DRC11: variants seen among roughly 807,000 people sequenced by gnomAD.
DRC11 encodes the protein IQ and AAA domain-containing protein 1.
At chr2:236,458,991 G>A in the DRC11 span, among the ~76,000 whole-genome samples, 1 of 152,126 alleles carries the variant, frequency 6.6e-6, no homozygotes, top group Non-Finnish European at 1.5e-5. Flanking sequence ...GTTGTAGTCA[G>A]CCGAGATCGC....
the DRC11 span, among the ~76,000 whole-genome samples, chr2:236,491,337 G>C: frequency 1.1e-4 from 16 of 146,846 alleles, no homozygotes; most frequent in Non-Finnish European, 2.2e-4. Context: ...TGGGGAAGTC[G>C]CAGCAGGGAA....
the DRC11 span, among the ~76,000 whole-genome samples, chr2:236,333,544 G>C: frequency 6.6e-5 from 10 of 152,304 alleles, no homozygotes; most frequent in South Asian, 1.9e-3. The surrounding 1 kb of genome is among the most constrained non-coding windows in gnomAD (Gnocchi z 6.0). Flanking sequence ...GAGAGTCACA[G>C]GTAAGGCCCC....
the DRC11 span, among the ~76,000 whole-genome samples, chr2:236,357,053 TC>T: frequency 1.6e-4 from 16 of 102,878 alleles, no homozygotes; most frequent in Admixed American, 8.9e-4. Context: ...ATATTATATA[TC>T]TATTTATATA....
chr2:236,454,922 T>C, the DRC11 span: 2 of 152,356 alleles, frequency 1.3e-5, no homozygotes, highest in South Asian at 4.1e-4. The surrounding 1 kb of genome is among the most constrained non-coding windows in gnomAD (Gnocchi z 5.3). Flanking sequence ...ATCCGTAAAA[T>C]AATTGGGGCA....
At chr2:236,490,566 G>C in the DRC11 span, among the ~76,000 whole-genome samples, 1 of 152,144 alleles carries the variant, frequency 6.6e-6, no homozygotes, top group Non-Finnish European at 1.5e-5. This position sits in a 1 kb window ranked among gnomAD's most constrained non-coding sequence, Gnocchi z 5.5. Context: ...TTAGCATACA[G>C]TACCCAGCAA....
At chr2:236,357,218 A>G in the DRC11 span, among the ~76,000 whole-genome samples, 4 of 120,862 alleles carry the variant, frequency 3.3e-5, no homozygotes, top group Non-Finnish European at 4.7e-5. Flanking sequence ...CATATAGTAT[A>G]TATCTATTAT....
the DRC11 span, among the ~76,000 whole-genome samples, chr2:236,358,695 A>C: frequency 3.4e-5 from 5 of 149,040 alleles, no homozygotes; most frequent in East Asian, 9.7e-4. Context: ...TTTTAACTGC[A>C]TCAAAGCTCT....
At chr2:236,351,550 C>T in the DRC11 span, among the ~76,000 whole-genome samples, 4 of 152,156 alleles carry the variant, frequency 2.6e-5, no homozygotes, top group Non-Finnish European at 5.9e-5. This position sits in a 1 kb window ranked among gnomAD's most constrained non-coding sequence, Gnocchi z 7.3. Context: ...ATCCTGGAGG[C>T]TGTGGAAGTC....
the DRC11 span, chr2:236,332,214 T>A: frequency 6.5e-6 from 1 of 152,882 alleles, no homozygotes; most frequent in East Asian, 1.9e-4. The surrounding 1 kb of genome is among the most constrained non-coding windows in gnomAD (Gnocchi z 5.1). Flanking sequence ...TTCAGATGAG[T>A]CCTGGGTGTT....
chr2:236,327,680 GTTAT>G, the DRC11 span, among the ~76,000 whole-genome samples: 29 of 152,050 alleles, frequency 1.9e-4, no homozygotes, highest in Middle Eastern at 3.4e-3. Flanking sequence ...TATTCACTGA[GTTAT>G]TTATTTATTT....
At chr2:236,345,105 ACG>A in the DRC11 span, among the ~76,000 whole-genome samples, 33 of 146,526 alleles carry the variant, frequency 2.3e-4, no homozygotes, top group Admixed American at 3.4e-4. Context: ...CTGGTTGTAA[ACG>A]TGCTTCCCTC....
the DRC11 span, among the ~76,000 whole-genome samples, chr2:236,437,428 A>ATGATT: frequency 6.6e-6 from 1 of 151,464 alleles, no homozygotes; most frequent in East Asian, 1.9e-4. Flanking sequence ...TTATAGCAGC[A>ATGATT]TGATTTATAG....
the DRC11 span, among the ~76,000 whole-genome samples, chr2:236,473,429 T>C: frequency 2.5e-4 from 38 of 152,220 alleles, no homozygotes; most frequent in Non-Finnish European, 7.3e-5. The surrounding 1 kb of genome is among the most constrained non-coding windows in gnomAD (Gnocchi z 4.8). Flanking sequence ...GAATACAGCT[T>C]GCCTCACGTT....
the DRC11 span, among the ~76,000 whole-genome samples, chr2:236,309,882 G>A: frequency 6.6e-6 from 1 of 152,190 alleles, no homozygotes. This position sits in a 1 kb window ranked among gnomAD's most constrained non-coding sequence, Gnocchi z 5.7. Context: ...AAGGAGGGAG[G>A]CCTTGAGCTG....
the DRC11 span, among the ~76,000 whole-genome samples, chr2:236,396,281 G>T: frequency 1.0e-4 from 12 of 117,896 alleles, no homozygotes; most frequent in South Asian, 7.0e-4. Context: ...TTTCACACGT[G>T]GGGGGGCAAT....
At chr2:236,487,230 A>T in the DRC11 span, among the ~76,000 whole-genome samples, 1 of 152,190 alleles carries the variant, frequency 6.6e-6, no homozygotes, top group Non-Finnish European at 1.5e-5. Context: ...TTCCAAAGTA[A>T]TGTGGGGAAA....
chr2:236,342,293 G>C, the DRC11 span, among the ~76,000 whole-genome samples: 1 of 152,208 alleles, frequency 6.6e-6, no homozygotes, highest in Non-Finnish European at 1.5e-5. This position sits in a 1 kb window ranked among gnomAD's most constrained non-coding sequence, Gnocchi z 5.8. Context: ...ACAGAGGCCG[G>C]GGCAGGTGGG....
At chr2:236,313,536 C>A in the DRC11 span, among the ~76,000 whole-genome samples, 1 of 152,176 alleles carries the variant, frequency 6.6e-6, no homozygotes, top group Non-Finnish European at 1.5e-5. The surrounding 1 kb of genome is among the most constrained non-coding windows in gnomAD (Gnocchi z 4.5). Context: ...ATACATAGAA[C>A]TAGCAATTGC....
At chr2:236,382,163 T>C in the DRC11 span, among the ~76,000 whole-genome samples, 4 of 152,222 alleles carry the variant, frequency 2.6e-5, no homozygotes, top group Admixed American at 1.3e-4. Context: ...TTTTTGCTTA[T>C]GGATCTCCAG....
Sources: allele counts gnomAD v4.1 joint callset (sites outside exome capture counted in the v4.1 genomes callset), GRCh38; gene constraint gnomAD v4.1.1; non-coding constraint Gnocchi (gnomAD v3.1); transcripts MANE v1.5; gene names NCBI Gene and HGNC (gene_info 2026-07-23, HGNC 2026-07-21).